The following CDH8 variants were observed in gnomAD, a reference collection of about 807,000 sequenced individuals.
The protein encoded by CDH8 is cadherin 8, also known as cadherin-8.
Under a neutral mutation model 68.1 loss-of-function variants are expected in CDH8, and 17 were observed. That is an observed-to-expected ratio of 0.25 (90% CI 0.17 to 0.37). The LOEUF is 0.37. CDH8 is among the 10% of genes least tolerant of loss of function. CDH8 has a pLI of 1.00. For missense variants in CDH8, 763 were observed against 999.3 expected (o/e 0.76, Z 3.19); for synonymous variants, 372 against 365.1 (o/e 1.02, Z -0.21).
At chr16:62,021,764 T>C (rs772939254) in intron 1 of CDH8, among the ~76,000 whole-genome samples, 162 bp from the exon 2 acceptor site, 10 of 152,264 alleles carry the variant, frequency 6.6e-5, no homozygotes, top group Non-Finnish European at 1.0e-4. Flanking sequence ...GCCTAGTAAG[T>C]CCTTTAATTT....
rs553576763 is a variant in CDH8, at chr16:61,902,870, A to G, written c.253-1397T>C. 9.8e-5 allele frequency among the ~76,000 whole-genome samples: 15 copies of G among 152,324 alleles called. No individual in the cohort carries two copies. The South Asian group carries it at 2.9e-3, about 29-fold the overall frequency. ...TTCTCAAAATGTATCCCTTTCATTT[A>G]TTGTATAAAATGTATTAACATGAAC... is the stretch of plus-strand genomic sequence containing the variant. On this transcript the variant is annotated intron_variant, in intron 2 of 11. Transcript: ENST00000577390.
intron 10 of CDH8, chr16:61,711,684 A>G (rs887059979): frequency 6.6e-6 from 1 of 151,730 alleles, no homozygotes; most frequent in African/African-American, 2.4e-5. Context: ...TAAACTTTAT[A>G]TATCTATTTC....
At chr16:61,703,009 C>A (rs1229653375) in intron 10 of CDH8, among the ~76,000 whole-genome samples, 2 of 152,058 alleles carry the variant, frequency 1.3e-5, no homozygotes, top group Non-Finnish European at 2.9e-5. Context: ...ATTTTTCTTG[C>A]AATTTGATAT....
At chr16:61,834,187 A>ATTAATAATTTCCATGT (rs1962519712) in intron 4 of CDH8, among the ~76,000 whole-genome samples, 3 of 151,954 alleles carry the variant, frequency 2.0e-5, no homozygotes, top group South Asian at 2.1e-4. Flanking sequence ...CCACTTGAAA[A>ATTAATAATTTCCATGT]CTATTAATAA....
chr16:61,999,424 G>A (rs1056591695), intron 2 of CDH8, among the ~76,000 whole-genome samples: 1 of 152,120 alleles, frequency 6.6e-6, no homozygotes, highest in African/African-American at 2.4e-5. Flanking sequence ...AATCATGGAA[G>A]TCACAGGCTA....
chr16:61,932,498 C>T (rs1393097327), intron 2 of CDH8, among the ~76,000 whole-genome samples: 1 of 151,980 alleles, frequency 6.6e-6, no homozygotes, highest in Non-Finnish European at 1.5e-5. Context: ...TATATAGTGT[C>T]CTTAAATATT....
intron 4 of CDH8, among the ~76,000 whole-genome samples, chr16:61,835,244 T>A (rs1458967425): frequency 2.0e-5 from 3 of 151,916 alleles, no homozygotes; most frequent in Non-Finnish European, 4.4e-5. Context: ...CATTCCACTA[T>A]CTCAATGTGT....
chr16:61,965,218 A>G (rs1965226316), intron 2 of CDH8, among the ~76,000 whole-genome samples: 1 of 152,180 alleles, frequency 6.6e-6, no homozygotes, highest in African/African-American at 2.4e-5. Flanking sequence ...TTCATCTAAC[A>G]TAGACTTCCC....
chr16:61,913,821 T>C (rs1398423061), intron 2 of CDH8, among the ~76,000 whole-genome samples: 3 of 152,162 alleles, frequency 2.0e-5, no homozygotes, highest in Admixed American at 6.5e-5. Context: ...ATATTAATAT[T>C]TTATGAAAAT....
Position 61,652,957 on chromosome 16 carries a change from C to T in CDH8, c.*651G>A. ...TCCTCCCACCACTGAATTGGCAAGC[C>T]CCACCCTGGAATGGATTACGAACAT... On this transcript the variant is annotated 3_prime_UTR_variant, in exon 12 of 12. Coordinates refer to ENST00000577390, the MANE Select transcript of CDH8 (RefSeq NM_001796.5). The T allele has an allele frequency of 2.0e-6, 3 of 1,520,758 alleles. No homozygotes were observed. The highest frequency in any genetic ancestry group is 1.8e-6 in the Non-Finnish European group (2 of 1,140,362). 94.2% of individuals were successfully genotyped at this position (1,520,758 alleles called of 1,614,324 possible).
intron 8 of CDH8, among the ~76,000 whole-genome samples, chr16:61,776,349 T>C (rs1960899108): frequency 6.6e-6 from 1 of 152,146 alleles, no homozygotes; most frequent in Non-Finnish European, 1.5e-5. Context: ...ATAGCTTATG[T>C]CCTTAACTAA....
At chr16:61,935,549 C>A (rs1399271891) in intron 2 of CDH8, among the ~76,000 whole-genome samples, 1 of 152,074 alleles carries the variant, frequency 6.6e-6, no homozygotes, top group Admixed American at 6.6e-5. Flanking sequence ...CACTTACATA[C>A]CTTTTATGGG....
At chr16:61,687,629 A>C (rs547811973) in intron 10 of CDH8, among the ~76,000 whole-genome samples, 1 of 152,114 alleles carries the variant, frequency 6.6e-6, no homozygotes, top group Non-Finnish European at 1.5e-5. Flanking sequence ...TAATTATCCT[A>C]ATCTGCTATA....
chr16:61,742,564 A>G (rs1959905419), intron 8 of CDH8, among the ~76,000 whole-genome samples: 1 of 152,184 alleles, frequency 6.6e-6, no homozygotes, highest in Non-Finnish European at 1.5e-5. Context: ...AGAAATGCAT[A>G]CTTAACTTTT....
Position 61,821,084 on chromosome 16 carries a change from C to T in CDH8, c.865G>A (p.Val289Met), listed in dbSNP as rs1567486025. The T allele has an allele frequency of 6.2e-7, 1 of 1,612,216 alleles. No homozygotes were observed. Among genetic ancestry groups the T allele is most frequent in the Non-Finnish European group, 8.5e-7 (1 of 1,178,896 alleles). Reference sequence around the variant, plus strand: ...CTTCCTATTGCAGTGCCAAGAACCACATCTTCCGGTACTGAGAAGTGATAC... The same window carrying T: ...CTTCCTATTGCAGTGCCAAGAACCATATCTTCCGGTACTGAGAAGTGATAC... ...SLYHFSVPED[V>M]VLGTAIGRVK... Residue 289 changes from valine (V) to methionine (M), a missense_variant, in exon 6 of 12, where the codon GTG becomes ATG. Coordinates refer to ENST00000577390, the MANE Select transcript of CDH8 (RefSeq NM_001796.5).
chr16:62,023,985 G>A (rs1049454866), intron 1 of CDH8, among the ~76,000 whole-genome samples: 26 of 152,136 alleles, frequency 1.7e-4, no homozygotes, highest in African/African-American at 5.3e-4. Context: ...GTAGCTGGGC[G>A]TGCACCACCA....
At chr16:61,798,522 T>C (rs1364339354) in intron 7 of CDH8, among the ~76,000 whole-genome samples, 2 of 152,190 alleles carry the variant, frequency 1.3e-5, no homozygotes, top group African/African-American at 4.8e-5. Context: ...CTTTATTTAA[T>C]TTAAATTAAT....
chr16:61,708,734 AACTATAAATT>A (rs1265640721), intron 10 of CDH8, among the ~76,000 whole-genome samples: 1 of 152,208 alleles, frequency 6.6e-6, no homozygotes, highest in East Asian at 1.9e-4. Flanking sequence ...ATAAACAATA[AACTATAAATT>A]ACTGAATCGG....
intron 8 of CDH8, among the ~76,000 whole-genome samples, chr16:61,774,855 C>T (rs919569182): frequency 2.6e-5 from 4 of 152,042 alleles, no homozygotes; most frequent in South Asian, 2.1e-4. Flanking sequence ...AAAATAAACA[C>T]GTACAACAAA....
Sources: allele counts gnomAD v4.1 joint callset (sites outside exome capture counted in the v4.1 genomes callset), GRCh38; gene constraint gnomAD v4.1.1; transcripts MANE v1.5; gene names NCBI Gene and HGNC (gene_info 2026-07-23, HGNC 2026-07-21).